Variants in LMNA observed in about 807,000 individuals in gnomAD.
The protein encoded by LMNA is lamin A/C.
A neutral mutation model predicts 70.4 loss-of-function variants in LMNA; 20 were observed. The ratio of observed to expected loss-of-function variants is 0.28; its 90% confidence interval spans 0.20 to 0.41. The LOEUF is 0.41. Among genes scored for constraint, LMNA ranks in the 10% least tolerant of loss-of-function variants. LMNA has a pLI of 1.00. For synonymous variants in LMNA, 339 were observed against 372.8 expected, an observed-to-expected ratio of 0.91 and a Z score of 1.04; for missense variants, 652 against 917.2, an observed-to-expected ratio of 0.71 and a Z score of 3.73.
In LMNA at chr1:156,135,863, C is replaced by A. The variant is rs760625091; in HGVS notation, c.937-38C>A. 6.3e-7 allele frequency: 1 copy of A among 1,575,754 alleles called. No individual in the cohort carries two copies. Among genetic ancestry groups the A allele is most frequent in the Admixed American group, 1.7e-5 (1 of 59,614 alleles). The stretch of plus-strand genomic sequence containing the variant: ...CGTCCCTCCTTCCCCATACTTAGGG[C>A]CCTTGGGAGCTCACCAAACCCTCCC... On this transcript the variant is annotated intron_variant, in intron 5 of 11. Transcript: ENST00000368300. The surrounding 1 kb of genome is among the most constrained non-coding windows in gnomAD (Gnocchi z 4.8).
intron 1 of LMNA, among the ~76,000 whole-genome samples, chr1:156,120,715 A>C (rs1430809075): frequency 6.6e-6 from 1 of 151,874 alleles, no homozygotes; most frequent in Non-Finnish European, 1.5e-5. Context: ...TGTCTCTGAA[A>C]AAGAAAAAAA....
Position 156,085,459 on chromosome 1 carries a change from C to G in LMNA, c.-319+2275C>G, listed in dbSNP as rs138754691. On this transcript the variant is annotated intron_variant, in intron 2 of 12. Transcript: ENST00000368301. ...TCTTACTTAAACAATACTCCCCACT[C>G]TCTGCCTTATGACCAGAAAGGTGTA... Among the ~76,000 whole-genome samples the G allele has an allele frequency of 2.6e-5, 4 of 152,338 alleles. No homozygotes were observed. In the East Asian group the frequency reaches 7.7e-4, roughly 29 times the overall value.
chr1:156,134,693 G>C lies in LMNA; in HGVS notation c.640-112G>C. ...CACTCAGCTCCCAGGTTAAAGTGGG[G>C]CTGGTAGTGGCTCATGGAGTAGGGC... is the stretch of plus-strand genomic sequence containing the variant. On this transcript the variant is annotated intron_variant, in intron 3 of 11. Coordinates refer to ENST00000368300, the MANE Select transcript of LMNA (RefSeq NM_170707.4). This position sits in a 1 kb window ranked among gnomAD's most constrained non-coding sequence, Gnocchi z 5.3. The C allele has an allele frequency of 2.6e-6, 4 of 1,549,552 alleles. No individual in the cohort carries two copies. The Admixed American group carries it at 5.0e-5, about 19-fold the overall frequency.
chr1:156,086,015 C>T (rs1648458865), intron 2 of LMNA, among the ~76,000 whole-genome samples: 1 of 152,234 alleles, frequency 6.6e-6, no homozygotes, highest in African/African-American at 2.4e-5. Context: ...TGTGCCATTG[C>T]ACTCCAGCCT....
chr1:156,126,413 C>G (rs1254857394), intron 1 of LMNA: 7 of 626,308 alleles, frequency 1.1e-5, no homozygotes, highest in Non-Finnish European at 2.0e-5. Context: ...CCCCCAGCAA[C>G]CGGGCCCAAA....
rs760413367 is a variant in LMNA at position 156,139,134 on chromosome 1, G to A, written c.*28G>A. ...TGGGACCTGCCAGGCAGGGGTGGGGGTGGAGGCTTCCTGCGTCCTCCTCAC... is the reference window on the plus strand; with the variant it reads ...TGGGACCTGCCAGGCAGGGGTGGGGATGGAGGCTTCCTGCGTCCTCCTCAC... On this transcript the variant is annotated 3_prime_UTR_variant, in exon 12 of 12. Transcript: ENST00000368300. 6.2e-7 allele frequency: 1 copy of A among 1,613,686 alleles called. No homozygotes were observed. Among genetic ancestry groups the A allele is most frequent in the African/African-American group, 1.3e-5 (1 of 75,022 alleles).
At position 156,138,257 on chromosome 1, in the gene LMNA, T is replaced by C. The variant is rs520910; in HGVS notation, c.1699-231T>C. On this transcript the variant is annotated intron_variant, in intron 10 of 11. Transcript: ENST00000368300. This position sits in a 1 kb window ranked among gnomAD's most constrained non-coding sequence, Gnocchi z 5.5. ...GTAGCTAGAACAGAGTCAGAGTCAC[T>C]GCTCTGGTTCTCTGTCCCCAAGTCT... 0.13 allele frequency: 76,470 copies of C among 598,510 alleles called. 12,373 individuals carry two copies. The highest frequency in any genetic ancestry group is 0.61 in the African/African-American group (32,929 of 53,812). The allele number at this position is 598,510 out of a possible 1,614,324, so 37.1% of individuals were successfully genotyped here.
intron 3 of LMNA, among the ~76,000 whole-genome samples, chr1:156,101,255 A>G (rs1195891969): frequency 1.3e-5 from 2 of 152,186 alleles, no homozygotes; most frequent in Non-Finnish European, 2.9e-5. Flanking sequence ...TTAGGAGGTC[A>G]AGGTGGAAGG....
chr1:156,111,305 C>T (rs1486361013), upstream of LMNA, among the ~76,000 whole-genome samples: 4 of 151,898 alleles, frequency 2.6e-5, no homozygotes, highest in African/African-American at 9.7e-5. Context: ...AAAAATTAGC[C>T]GGGCGTGGTG....
intron 3 of LMNA, chr1:156,106,643 ACGCCTCTGTCCCCACCCCCC>A (rs1649359401): frequency 2.1e-5 from 1 of 46,654 alleles, no homozygotes; most frequent in Non-Finnish European, 5.2e-5. Flanking sequence ...CCACCCCCCC[ACGCCTCTGTCCCCACCCCCC>A]CACCGCCCCC....
chr1:156,125,295 G>T (rs1650474823), intron 1 of LMNA, among the ~76,000 whole-genome samples: 1 of 152,176 alleles, frequency 6.6e-6, no homozygotes, highest in East Asian at 1.9e-4. Flanking sequence ...GCAGTAGGAG[G>T]AGTTGCTGGA....
chr1:156,126,560 G>C, intron 1 of LMNA: 1 of 774,774 alleles, frequency 1.3e-6, no homozygotes, highest in East Asian at 2.6e-5. Context: ...TCCCCAAACA[G>C]CCCCAAGGGC....
At chr1:156,114,631 G>T (rs1572331230), upstream of LMNA, 1 of 396,304 alleles carries the variant, frequency 2.5e-6, no homozygotes, top group Non-Finnish European at 4.5e-6. Flanking sequence ...ATGGATCTGG[G>T]ACTGCCCCTT....
At chr1:156,098,920 C>T (rs1649040982) in intron 3 of LMNA, among the ~76,000 whole-genome samples, 3 of 152,180 alleles carry the variant, frequency 2.0e-5, no homozygotes, top group Non-Finnish European at 4.4e-5. Flanking sequence ...GCAGCAGGTT[C>T]CTGTAGACCC....
upstream of LMNA, chr1:156,109,798 A>ATGTGTGTGTGTGTG (rs57284200): frequency 8.5e-4 from 73 of 85,574 alleles, no homozygotes; most frequent in African/African-American, 2.7e-3. Flanking sequence ...GCATGTATGT[A>ATGTGTGTGTGTGTG]TGTGTGTGTG....
intron 1 of LMNA, among the ~76,000 whole-genome samples, chr1:156,127,512 T>G (rs1253383325): frequency 9.7e-6 from 1 of 103,000 alleles, no homozygotes; most frequent in Non-Finnish European, 1.9e-5. Flanking sequence ...CCTTACTGTT[T>G]TTTTTTTTTT....
At chr1:156,132,837 C>CTTT (rs34451254) in intron 2 of LMNA, among the ~76,000 whole-genome samples, 4 of 93,066 alleles carry the variant, frequency 4.3e-5, no homozygotes, top group Admixed American at 1.2e-4. Context: ...CTCTCTCTCT[C>CTTT]TTTTTTTTTT....
chr1:156,111,117 G>A (rs1340458856), upstream of LMNA, among the ~76,000 whole-genome samples: 1 of 151,970 alleles, frequency 6.6e-6, no homozygotes, highest in Non-Finnish European at 1.5e-5. Context: ...TAAGAACACA[G>A]AGGAGCCCCC....
Position 156,136,657 on chromosome 1 carries a change from C to A in LMNA, c.1380+221C>A. 1 of 668,852 alleles carries A rather than the reference C, an allele frequency of 1.5e-6. No homozygotes were observed. 41.4% of individuals were successfully genotyped at this position (668,852 alleles called of 1,614,324 possible). A position where few individuals can be genotyped will look rare whatever the true frequency, so the allele number is the denominator to read the frequency against. ...TAACCTCTCAGAGCATCAGTTTCCT[C>A]ATCTGTAAAATGGGGATGAATACTG... is the stretch of plus-strand genomic sequence containing the variant. On this transcript the variant is annotated intron_variant, in intron 7 of 11. Transcript: ENST00000368300. This position sits in a 1 kb window ranked among gnomAD's most constrained non-coding sequence, Gnocchi z 6.1.
Sources: gnomAD v4.1 joint callset for allele counts (sites outside exome capture counted in the v4.1 genomes callset) on GRCh38, gnomAD v4.1.1 for gene constraint, Gnocchi (gnomAD v3.1) non-coding constraint, MANE v1.5 for transcripts, NCBI Gene and HGNC (gene_info 2026-07-23, HGNC 2026-07-21) for gene names.